IQCJ: variants seen among roughly 807,000 people sequenced by gnomAD.
IQCJ encodes the protein IQ domain-containing protein J.
In IQCJ, 9 loss-of-function variants were observed where a neutral mutation model predicts 11.0. The ratio of observed to expected loss-of-function variants is 0.82; its 90% CI spans 0.49 to 1.43. The LOEUF is 1.43. Among genes scored for constraint, IQCJ ranks in the 40% most tolerant of loss-of-function variants. IQCJ has a pLI of 0.00. For synonymous variants in IQCJ, 55 were observed against 51.3 expected (o/e 1.07, Z -0.31); for missense variants, 146 against 133.2 (o/e 1.10, Z -0.47).
intron 1 of IQCJ, among the ~76,000 whole-genome samples, chr3:159,107,671 T>A (rs1262962757): frequency 6.6e-6 from 1 of 152,188 alleles, no homozygotes; most frequent in Non-Finnish European, 1.5e-5. Flanking sequence ...GCTTTACATT[T>A]ATTAACTAAT....
intron 1 of IQCJ, among the ~76,000 whole-genome samples, chr3:159,177,858 A>C (rs866683653): frequency 2.0e-5 from 3 of 152,156 alleles, no homozygotes; most frequent in Non-Finnish European, 2.9e-5. Context: ...TTATACAAGT[A>C]ATAGGATTTG....
chr3:159,150,727 T>C (rs967435829), intron 1 of IQCJ, among the ~76,000 whole-genome samples: 7 of 152,106 alleles, frequency 4.6e-5, no homozygotes, highest in Non-Finnish European at 7.4e-5. Context: ...TCAGTGAACA[T>C]TTGTTGAAGT....
At chr3:159,144,704 A>G (rs1307677067) in intron 1 of IQCJ, among the ~76,000 whole-genome samples, 4 of 151,552 alleles carry the variant, frequency 2.6e-5, no homozygotes, top group Non-Finnish European at 4.4e-5. Flanking sequence ...TTCCTGCTGC[A>G]TTTCAAATCA....
At position 159,263,573 on chromosome 3, in the gene IQCJ, G is replaced by GTAAT; in HGVS notation, c.*845_*848dup. On this transcript the variant is annotated 3_prime_UTR_variant, in exon 4 of 4. Coordinates refer to ENST00000397832, the MANE Select transcript of IQCJ (RefSeq NM_001042706.3). ...AATGCTGAAAAGTTAGAGAAATGAAGTAATTACACAAGTATATTACTTCCA... is the reference window on the plus strand; with the variant it reads ...AATGCTGAAAAGTTAGAGAAATGAAGTAATTAATTACACAAGTATATTACTTCCA... 1.0e-6 allele frequency: 1 copy of GTAAT among 985,176 alleles called. No homozygotes were observed. Among genetic ancestry groups the GTAAT allele is most frequent in the Non-Finnish European group, 1.2e-6 (1 of 829,736 alleles). The allele number at this position is 985,176 out of a possible 1,614,324, so 61.0% of individuals were successfully genotyped here. A position where few individuals can be genotyped will look rare whatever the true frequency, so the allele number is the denominator to read the frequency against.
At chr3:159,262,346 A>G (rs569098996) in intron 3 of IQCJ, among the ~76,000 whole-genome samples, 238 of 152,336 alleles carry the variant, frequency 1.6e-3, no homozygotes, top group Non-Finnish European at 2.5e-3. Flanking sequence ...AAGTCAAACC[A>G]GTAAGGTAGG....
rs182285993 is a variant in IQCJ at position 159,215,346 on chromosome 3, G to C, written c.10-30497G>C. On this transcript the variant is annotated intron_variant, in intron 1 of 3. Coordinates refer to ENST00000397832, the MANE Select transcript of IQCJ (RefSeq NM_001042706.3). ...TAGGGAGGACACCTTTACCATGAAGGTTTAATGACCTGCTCAGGTGAAGGT... is the reference window on the plus strand; with the variant it reads ...TAGGGAGGACACCTTTACCATGAAGCTTTAATGACCTGCTCAGGTGAAGGT... Among the ~76,000 whole-genome samples, 3 of 152,262 alleles carry C rather than the reference G, an allele frequency of 2.0e-5. No individual in the cohort carries two copies. In the East Asian group the frequency reaches 5.8e-4, roughly 29 times the overall value.
intron 1 of IQCJ, among the ~76,000 whole-genome samples, chr3:159,074,045 A>G (rs1715755704): frequency 6.6e-6 from 1 of 152,120 alleles, no homozygotes; most frequent in African/African-American, 2.4e-5. Flanking sequence ...TGGAGAATAT[A>G]TGGAAATTAA....
chr3:159,262,852 A>T lies in IQCJ; in HGVS notation c.*121A>T. On this transcript the variant is annotated 3_prime_UTR_variant, in exon 4 of 4. Coordinates refer to ENST00000397832, the MANE Select transcript of IQCJ (RefSeq NM_001042706.3). Reference sequence around the variant, plus strand: ...CCATGGTGAGAGTTTTGTCACCTCAAAATAAAGACACAATTCATAAGCACA... The same window carrying T: ...CCATGGTGAGAGTTTTGTCACCTCATAATAAAGACACAATTCATAAGCACA... 7.0e-7 allele frequency: 1 copy of T among 1,432,376 alleles called. No individual in the cohort carries two copies. Among genetic ancestry groups the T allele is most frequent in the Non-Finnish European group, 9.2e-7 (1 of 1,088,260 alleles). 88.7% of individuals were successfully genotyped at this position (1,432,376 alleles called of 1,614,324 possible). A position where few individuals can be genotyped will look rare whatever the true frequency, so the allele number is the denominator to read the frequency against.
chr3:159,189,854 C>T (rs1723582784), intron 1 of IQCJ, among the ~76,000 whole-genome samples: 1 of 152,156 alleles, frequency 6.6e-6, no homozygotes, highest in South Asian at 2.1e-4. Flanking sequence ...CTTCCAAGTC[C>T]TAACTGTTCT....
intron 1 of IQCJ, among the ~76,000 whole-genome samples, chr3:159,129,530 G>C (rs1349635859): frequency 2.0e-5 from 3 of 152,084 alleles, no homozygotes; most frequent in Admixed American, 6.6e-5. Context: ...GGTGGTAGAA[G>C]CTCAAAAAAG....
At chr3:159,140,117 T>C (rs1357767193) in intron 1 of IQCJ, among the ~76,000 whole-genome samples, 4 of 152,216 alleles carry the variant, frequency 2.6e-5, no homozygotes, top group African/African-American at 9.6e-5. Context: ...ACCTGAGTGG[T>C]ACATTTGTTA....
chr3:159,194,086 G>T (rs1723843407), intron 1 of IQCJ, among the ~76,000 whole-genome samples: 1 of 152,208 alleles, frequency 6.6e-6, no homozygotes, highest in African/African-American at 2.4e-5. Context: ...AACTGAGGAA[G>T]TAATTACCAT....
intron 1 of IQCJ, among the ~76,000 whole-genome samples, chr3:159,113,031 G>T (rs1234649219): frequency 6.6e-6 from 1 of 152,178 alleles, no homozygotes; most frequent in Non-Finnish European, 1.5e-5. Context: ...TGTGCTGGGT[G>T]ACATGTTGGA....
chr3:159,175,987 T>G (rs1722774370), intron 1 of IQCJ, among the ~76,000 whole-genome samples: 1 of 152,218 alleles, frequency 6.6e-6, no homozygotes, highest in East Asian at 1.9e-4. Flanking sequence ...TGGTCAGTCT[T>G]CTTAATTTTA....
intron 1 of IQCJ, among the ~76,000 whole-genome samples, chr3:159,210,902 C>T (rs546659326): frequency 6.6e-6 from 1 of 150,886 alleles, no homozygotes; most frequent in East Asian, 2.0e-4. Flanking sequence ...AAACTCCTGA[C>T]CTCAGGTGAT....
chr3:159,261,362 G>A lies in IQCJ; in HGVS notation c.156-1186G>A, dbSNP rs533360223. Among the ~76,000 whole-genome samples the A allele has an allele frequency of 3.9e-5, 6 of 152,306 alleles. No homozygotes were observed. The South Asian group carries it at 1.2e-3, about 32-fold the overall frequency. On this transcript the variant is annotated intron_variant, in intron 3 of 3. Coordinates refer to ENST00000397832, the MANE Select transcript of IQCJ (RefSeq NM_001042706.3). ...TGACCCCCCCTATGAAAATCGAGAT[G>A]TTAATCTCAAAGATCACAAGCCAGT...
At chr3:159,105,026 G>A (rs1019928534) in intron 1 of IQCJ, among the ~76,000 whole-genome samples, 2 of 152,148 alleles carry the variant, frequency 1.3e-5, no homozygotes, top group Admixed American at 1.3e-4. Context: ...CGATAAAAAT[G>A]TTTTGTTGAT....
intron 1 of IQCJ, among the ~76,000 whole-genome samples, chr3:159,070,979 G>A (rs940248355): frequency 7.9e-5 from 12 of 151,780 alleles, no homozygotes; most frequent in Non-Finnish European, 1.5e-4. Context: ...GATTTACTTC[G>A]CATTGTGGAC....
chr3:159,265,238 G>T (rs747633457), downstream of IQCJ: 13 of 1,613,732 alleles, frequency 8.1e-6, no homozygotes, highest in Non-Finnish European at 5.1e-6. Context: ...CTGTTGGGAA[G>T]ATTCATCCTT....
Sources: gnomAD v4.1 joint callset for allele counts (sites outside exome capture counted in the v4.1 genomes callset) on GRCh38, gnomAD v4.1.1 for gene constraint, MANE v1.5 for transcripts, NCBI Gene and HGNC (gene_info 2026-07-23, HGNC 2026-07-21) for gene names.